Variants in BLM observed in about 807,000 individuals in gnomAD.
BLM encodes the protein recQ-like DNA helicase BLM.
Under a neutral mutation model 135.3 loss-of-function variants are expected in BLM, and 95 were observed. The ratio of observed to expected loss-of-function variants is 0.70; its 90% CI spans 0.59 to 0.83. BLM has a LOEUF of 0.83. BLM is among the 40% of genes least tolerant of loss of function. The pLI is 0.00. For missense variants in BLM, 1,518 were observed against 1,663.9 expected, an observed-to-expected ratio of 0.91 and a Z score of 1.53; for synonymous variants, 520 against 589.2, an observed-to-expected ratio of 0.88 and a Z score of 1.70.
intron 1 of BLM, among the ~76,000 whole-genome samples, chr15:90,723,749 G>A (rs989016050): frequency 6.6e-6 from 1 of 152,132 alleles, no homozygotes; most frequent in South Asian, 2.1e-4. Context: ...CAGATCTCTA[G>A]AATGCGTTCA....
intron 1 of BLM, among the ~76,000 whole-genome samples, chr15:90,735,779 G>A (rs377526016): frequency 1.3e-5 from 2 of 151,816 alleles, no homozygotes; most frequent in African/African-American, 4.8e-5. Flanking sequence ...AAAAGAGGGG[G>A]AAAAATTGGC....
In BLM at chr15:90,749,926, TTGAC is replaced by T. The variant is rs1057517229; in HGVS notation, c.662_665del (p.Thr221ArgfsTer10). 2 of 1,613,792 alleles carry T rather than the reference TTGAC, an allele frequency of 1.2e-6. No individual in the cohort carries two copies. Among genetic ancestry groups the T allele is most frequent in the East Asian group, 4.5e-5 (2 of 44,874 alleles). On this transcript the variant is annotated frameshift_variant, in exon 3 of 22. Coordinates refer to ENST00000355112, the MANE Select transcript of BLM (RefSeq NM_000057.4). LOFTEE classifies it high-confidence loss of function. The stretch of plus-strand genomic sequence containing the variant: ...CTCCTCTGAAAGCGAGCAAATAGAT[TTGAC>T]TGAGGAACAGAAGGATGACTCAGAA...
chr15:90,741,326 A>AT (rs2151140578), intron 1 of BLM, among the ~76,000 whole-genome samples: 1 of 152,224 alleles, frequency 6.6e-6, no homozygotes, highest in Non-Finnish European at 1.5e-5. Flanking sequence ...AGAGAAATCA[A>AT]TTTTTTGTCC....
At chr15:90,778,738 T>G (rs1307991062) in intron 12 of BLM, among the ~76,000 whole-genome samples, 1 of 152,234 alleles carries the variant, frequency 6.6e-6, no homozygotes, top group Non-Finnish European at 1.5e-5. Context: ...GATATTGGGT[T>G]GTTTCCATTT....
chr15:90,770,169 C>A (rs1312802505), intron 12 of BLM, among the ~76,000 whole-genome samples: 1 of 133,922 alleles, frequency 7.5e-6, no homozygotes, highest in African/African-American at 2.8e-5. Flanking sequence ...AAAAGAAATC[C>A]CCCCCCCCTT....
intron 12 of BLM, among the ~76,000 whole-genome samples, chr15:90,781,615 A>G (rs1268495328): frequency 6.6e-6 from 1 of 152,154 alleles, no homozygotes; most frequent in African/African-American, 2.4e-5. Flanking sequence ...GACAAGCGCG[A>G]GACTCCCTCT....
intron 7 of BLM, chr15:90,762,261 A>G (rs1896007427): frequency 6.6e-6 from 1 of 152,316 alleles, no homozygotes; most frequent in African/African-American, 2.4e-5. Context: ...GAGAGATGTT[A>G]TGAAAGAAGA....
chr15:90,767,681 C>A (rs1423762987), intron 10 of BLM, among the ~76,000 whole-genome samples: 4 of 152,104 alleles, frequency 2.6e-5, no homozygotes, highest in Non-Finnish European at 4.4e-5. Flanking sequence ...GTTAACTGAT[C>A]GCTTGGTTAT....
At chr15:90,806,913 C>T (rs1198454782) in intron 19 of BLM, among the ~76,000 whole-genome samples, 2 of 152,158 alleles carry the variant, frequency 1.3e-5, no homozygotes, top group Non-Finnish European at 2.9e-5. Flanking sequence ...AACTATGACA[C>T]AGTGCTTTTA....
intron 21 of BLM, among the ~76,000 whole-genome samples, chr15:90,814,469 A>C (rs1897503704): frequency 6.6e-6 from 1 of 152,132 alleles, no homozygotes; most frequent in Admixed American, 6.5e-5. Context: ...GAAGGCAGCG[A>C]GTGGGAGGGA....
At chr15:90,786,184 C>T (rs1028643357) in intron 14 of BLM, among the ~76,000 whole-genome samples, 1 of 151,844 alleles carries the variant, frequency 6.6e-6, no homozygotes, top group Admixed American at 6.6e-5. Context: ...GACGAGGTCT[C>T]CCTGTGTTGC....
At chr15:90,782,115 C>T (rs1031200041) in intron 12 of BLM, among the ~76,000 whole-genome samples, 8 of 152,120 alleles carry the variant, frequency 5.3e-5, no homozygotes, top group African/African-American at 1.2e-4. Context: ...AGGCTGGGCC[C>T]GGTGGCTCAT....
chr15:90,791,356 C>T (rs568926203), intron 15 of BLM, among the ~76,000 whole-genome samples: 13 of 152,122 alleles, frequency 8.5e-5, no homozygotes, highest in African/African-American at 2.7e-4. Context: ...TGGTATGTAC[C>T]TTTTCCAAAT....
chr15:90,815,306 CTCTT>C lies in BLM; in HGVS notation c.*32_*35del, dbSNP rs1567069170. 2 of 1,607,362 alleles carry C rather than the reference CTCTT, an allele frequency of 1.2e-6. No individual in the cohort carries two copies. Among genetic ancestry groups the C allele is most frequent in the African/African-American group, 2.7e-5 (2 of 74,850 alleles). On this transcript the variant is annotated 3_prime_UTR_variant, in exon 22 of 22. Coordinates refer to ENST00000355112, the MANE Select transcript of BLM (RefSeq NM_000057.4). The surrounding 1 kb of genome is among the most constrained non-coding windows in gnomAD (Gnocchi z 4.6). ...AACCGAATCTCAATGTACATAGACC[CTCTT>C]TCTTGTTTGTCAGCATCTGACCATC...
rs184138216 is a variant in BLM, at chr15:90,722,058, G to C, written c.-5+4618G>C. 3.9e-5 allele frequency among the ~76,000 whole-genome samples: 6 copies of C among 152,214 alleles called. No homozygotes were observed. The East Asian group carries it at 1.2e-3, about 30-fold the overall frequency. On this transcript the variant is annotated intron_variant, in intron 1 of 21. Transcript: ENST00000355112. ...CCAGCACTTTAGGAGGCTGAGGCAG[G>C]TGGATCACTTAAGGGCAGGAGTTCG...
chr15:90,759,425 A>G (rs548470787), intron 5 of BLM, among the ~76,000 whole-genome samples: 18 of 151,750 alleles, frequency 1.2e-4, no homozygotes, highest in South Asian at 8.4e-4. Context: ...AAAAAAAAAA[A>G]AAGAAGAAGA....
At chr15:90,752,560 C>G (rs1478783201) in intron 4 of BLM, among the ~76,000 whole-genome samples, 2 of 151,922 alleles carry the variant, frequency 1.3e-5, no homozygotes, top group African/African-American at 4.8e-5. Context: ...CAAAGCTAAC[C>G]CATTATATGG....
chr15:90,737,294 T>C (rs1895244259), intron 1 of BLM, among the ~76,000 whole-genome samples: 1 of 152,106 alleles, frequency 6.6e-6, no homozygotes, highest in Non-Finnish European at 1.5e-5. Flanking sequence ...GATAGATGGA[T>C]AGATCAATGG....
intron 10 of BLM, 24 bp from the exon 11 acceptor site, chr15:90,769,109 A>T (rs1308038328): frequency 4.6e-6 from 7 of 1,518,062 alleles, no homozygotes; most frequent in Non-Finnish European, 6.4e-6. Context: ...GTGTTTTTAC[A>T]TGTCTAATGT....
Sources: gnomAD v4.1 joint callset for allele counts (sites outside exome capture counted in the v4.1 genomes callset) on GRCh38, gnomAD v4.1.1 for gene constraint, Gnocchi (gnomAD v3.1) non-coding constraint, MANE v1.5 for transcripts, NCBI Gene and HGNC (gene_info 2026-07-23, HGNC 2026-07-21) for gene names.